The following YBEY variants were observed in gnomAD, a reference collection of about 807,000 sequenced individuals.
YBEY encodes the protein ybeY metalloendoribonuclease.
YBEY carries 15 observed loss-of-function variants against 13.5 expected under a neutral mutation model. That is an observed-to-expected ratio of 1.11 (90% CI 0.75 to 1.72). The LOEUF (loss-of-function observed/expected upper bound fraction) is 1.72. YBEY is among the 40% of genes most tolerant of loss of function. The pLI is 0.00. For missense variants in YBEY, 244 were observed against 208.4 expected (o/e 1.17, Z -1.05); for synonymous variants, 101 against 83.1 (o/e 1.21, Z -1.17).
At chr21:46,292,478 G>C (rs1017553183) in intron 3 of YBEY, among the ~76,000 whole-genome samples, 2 of 152,188 alleles carry the variant, frequency 1.3e-5, no homozygotes, top group African/African-American at 4.8e-5. Context: ...TACTATTCTT[G>C]ATTTAAAGTT....
intron 3 of YBEY, among the ~76,000 whole-genome samples, chr21:46,292,832 G>A (rs1341202607): frequency 5.3e-4 from 67 of 126,016 alleles, no homozygotes; most frequent in African/African-American, 1.6e-3. Context: ...CCGTGCCCGG[G>A]ACTCAGTGGA....
At chr21:46,307,446 A>C in the YBEY span, among the ~76,000 whole-genome samples, 16 of 151,912 alleles carry the variant, frequency 1.1e-4, no homozygotes, top group Non-Finnish European at 2.2e-4. Context: ...GCACACACAC[A>C]CCCACACACA....
the YBEY span, chr21:46,312,879 C>T: frequency 4.2e-6 from 2 of 478,700 alleles, no homozygotes; most frequent in Non-Finnish European, 5.4e-6. Flanking sequence ...TACTGTCCTC[C>T]ATCATATACT....
At chr21:46,296,554 G>C (rs1004366820) in intron 4 of YBEY, among the ~76,000 whole-genome samples, 5 of 152,202 alleles carry the variant, frequency 3.3e-5, no homozygotes, top group African/African-American at 1.2e-4. Context: ...TGCGTGGAGT[G>C]AGTTCCGGGT....
At chr21:46,294,944 G>T (rs1205958464) in intron 3 of YBEY, among the ~76,000 whole-genome samples, 3 of 152,134 alleles carry the variant, frequency 2.0e-5, no homozygotes, top group Non-Finnish European at 2.9e-5. Flanking sequence ...GGCCACACAG[G>T]AACCTGGGCC....
At chr21:46,294,118 A>G (rs369390506) in intron 3 of YBEY, among the ~76,000 whole-genome samples, 1 of 16,280 alleles carries the variant, frequency 6.1e-5, no homozygotes, top group Non-Finnish European at 1.1e-4. Context: ...ACACAAGTTA[A>G]ACTCTAGATT....
chr21:46,307,498 C>A, the YBEY span, among the ~76,000 whole-genome samples: 1 of 152,172 alleles, frequency 6.6e-6, no homozygotes, highest in Non-Finnish European at 1.5e-5. Flanking sequence ...GACAGACTAT[C>A]ACTAAACTTC....
chr21:46,295,638 A>G (rs1030011468), intron 3 of YBEY, among the ~76,000 whole-genome samples: 7 of 151,920 alleles, frequency 4.6e-5, no homozygotes, highest in African/African-American at 1.7e-4. Flanking sequence ...CTCCGCCTTC[A>G]TACCTCTCCC....
At chr21:46,297,339 T>C (rs1176424772) in intron 4 of YBEY, among the ~76,000 whole-genome samples, 200 bp from the exon 5 acceptor site, 1 of 144,290 alleles carries the variant, frequency 6.9e-6, no homozygotes, top group Non-Finnish European at 1.5e-5. Flanking sequence ...TCTCCCGGCC[T>C]GTGGCGGTTC....
At position 46,292,490 on chromosome 21, in the gene YBEY, A is replaced by G. The variant is rs192215082; in HGVS notation, c.339+1028A>G. 5.3e-5 allele frequency among the ~76,000 whole-genome samples: 8 copies of G among 152,040 alleles called. No individual in the cohort carries two copies. The East Asian group carries it at 1.5e-3, about 29-fold the overall frequency. ...GATTACTATTCTTGATTTAAAGTTA[A>G]ACTCTAGATTAAATTCCTCCCGTGG... On this transcript the variant is annotated intron_variant, in intron 3 of 4. Transcript: ENST00000397701.
At chr21:46,302,360 C>T, downstream of YBEY, 2 of 1,084,036 alleles carry the variant, frequency 1.8e-6, no homozygotes, top group Non-Finnish European at 2.7e-6. Context: ...GGGGGCTTCA[C>T]AGCCAGACTG....
chr21:46,302,662 C>T (rs1336607962), downstream of YBEY: 7 of 1,095,790 alleles, frequency 6.4e-6, no homozygotes, highest in Non-Finnish European at 8.1e-6. Flanking sequence ...GACCAGAGAA[C>T]AGGTGTGTCT....
At chr21:46,302,572 C>T (rs754645137), downstream of YBEY, 2 of 1,610,656 alleles carry the variant, frequency 1.2e-6, no homozygotes, top group Non-Finnish European at 1.7e-6. Context: ...GCAGCTCCAC[C>T]ATGTCTGCAG....
chr21:46,303,736 TA>T, the YBEY span, among the ~76,000 whole-genome samples: 5 of 25,330 alleles, frequency 2.0e-4, no homozygotes, highest in Non-Finnish European at 3.3e-4. Flanking sequence ...TATATATATA[TA>T]TATATATATT....
At chr21:46,301,441 C>T, downstream of YBEY, 1 of 977,036 alleles carries the variant, frequency 1.0e-6, no homozygotes, top group Non-Finnish European at 1.2e-6. Flanking sequence ...GCCATGCACC[C>T]CTACTTCTTT....
At chr21:46,307,485 C>G in the YBEY span, among the ~76,000 whole-genome samples, 2 of 152,128 alleles carry the variant, frequency 1.3e-5, no homozygotes, top group East Asian at 3.8e-4. Flanking sequence ...CTTTTTAGCA[C>G]CTGACAGACT....
At chr21:46,301,551 C>T (rs2082109006), downstream of YBEY, 3 of 989,356 alleles carry the variant, frequency 3.0e-6, no homozygotes, top group African/African-American at 5.2e-5. Flanking sequence ...TTCCATGTGG[C>T]TAAAGCTATT....
intron 3 of YBEY, chr21:46,291,699 T>G (rs1036435407): frequency 4.7e-6 from 6 of 1,288,758 alleles, no homozygotes; most frequent in African/African-American, 4.6e-5. Context: ...CAGAGAAGCC[T>G]TCTCAGCTTT....
chr21:46,309,989 C>G, the YBEY span, among the ~76,000 whole-genome samples: 1 of 152,026 alleles, frequency 6.6e-6, no homozygotes, highest in African/African-American at 2.4e-5. Flanking sequence ...AGGCAAGACT[C>G]TGTCTCAAAA....
Sources: gnomAD v4.1 joint callset for allele counts (sites outside exome capture counted in the v4.1 genomes callset) on GRCh38, gnomAD v4.1.1 for gene constraint, MANE v1.5 for transcripts, NCBI Gene and HGNC (gene_info 2026-07-23, HGNC 2026-07-21) for gene names.